DYNC2LI1: variants seen among roughly 807,000 people sequenced by gnomAD.
The protein encoded by DYNC2LI1 is dynein cytoplasmic 2 light intermediate chain 1.
In DYNC2LI1, 45 loss-of-function variants were observed where a neutral mutation model predicts 51.9. That is an observed-to-expected ratio of 0.87 (90% CI 0.68 to 1.11). DYNC2LI1 has a LOEUF of 1.11. DYNC2LI1 is among the 50% of genes most tolerant of loss of function. The probability of loss-of-function intolerance (pLI) is 0.00; values close to 1 mark genes in which losing one functional copy is unlikely to be tolerated. For synonymous variants in DYNC2LI1, 130 were observed against 137.8 expected, an observed-to-expected ratio of 0.94 and a Z score of 0.40; for missense variants, 490 against 417.4, an observed-to-expected ratio of 1.17 and a Z score of -1.51.
the DYNC2LI1 span, among the ~76,000 whole-genome samples, chr2:43,818,715 G>A: frequency 3.3e-5 from 5 of 152,074 alleles, no homozygotes; most frequent in South Asian, 2.1e-4. Flanking sequence ...CATGGTCTTC[G>A]TGTGAAAAAA....
chr2:43,820,262 A>T, the DYNC2LI1 span, among the ~76,000 whole-genome samples: 1 of 152,224 alleles, frequency 6.6e-6, no homozygotes, highest in Non-Finnish European at 1.5e-5. Context: ...AGGAGTCAAC[A>T]TGAGACTATT....
the DYNC2LI1 span, among the ~76,000 whole-genome samples, chr2:43,818,401 G>A: frequency 2.6e-5 from 4 of 152,116 alleles, no homozygotes; most frequent in African/African-American, 9.7e-5. Context: ...CTGAGATCGC[G>A]CCATTGCACT....
chr2:43,805,276 T>G, intron 12 of DYNC2LI1, 30 bp downstream of exon 12: 1 of 1,463,702 alleles, frequency 6.8e-7, no homozygotes, highest in Non-Finnish European at 9.5e-7. Context: ...CTTAATTTCA[T>G]CTGAAATTTT....
downstream of DYNC2LI1, among the ~76,000 whole-genome samples, chr2:43,813,707 TCG>T (rs373077679): frequency 2.0e-3 from 241 of 123,378 alleles, 1 homozygote; most frequent in African/African-American, 5.2e-3. Context: ...GTTTTTTTTT[TCG>T]TTTTTTTTTT....
intron 3 of DYNC2LI1, among the ~76,000 whole-genome samples, chr2:43,784,048 A>C (rs185253332): frequency 4.8e-4 from 73 of 152,350 alleles, no homozygotes; most frequent in African/African-American, 1.7e-3. Flanking sequence ...TGTTTCAGGA[A>C]GCTGATGAGG....
chr2:43,775,725 T>C, intron 1 of DYNC2LI1: 1 of 384,778 alleles, frequency 2.6e-6, no homozygotes, highest in South Asian at 1.9e-5. Context: ...TCTCGCTCTG[T>C]TGCCCAGGCT....
chr2:43,775,662 TA>T, intron 1 of DYNC2LI1: 1 of 379,798 alleles, frequency 2.6e-6, no homozygotes, highest in Admixed American at 3.2e-5. Context: ...CACACCCAGC[TA>T]ATTTCTTTTC....
chr2:43,824,058 A>G, the DYNC2LI1 span: 60 of 1,614,210 alleles, frequency 3.7e-5, no homozygotes, highest in Non-Finnish European at 4.8e-5. Flanking sequence ...CCATGATCAG[A>G]TTCTGAAGGA....
In DYNC2LI1 at chr2:43,789,552, A is replaced by G. The variant is rs1441652198; in HGVS notation, c.232-81A>G. The G allele has an allele frequency of 8.5e-6, 10 of 1,173,736 alleles. 1 individual carries two copies. In the Admixed American group the frequency reaches 2.1e-4, roughly 24 times the overall value. 72.7% of individuals were successfully genotyped at this position (1,173,736 alleles called of 1,614,324 possible). ...TTGATTAAGGACTGCAATATTTTGT[A>G]TGTATAATTATTACTGGGAAGTGCT... On this transcript the variant is annotated intron_variant, in intron 4 of 12. Coordinates refer to ENST00000260605, the MANE Select transcript of DYNC2LI1 (RefSeq NM_016008.4).
chr2:43,828,289 G>A, the DYNC2LI1 span: 1 of 865,852 alleles, frequency 1.2e-6, no homozygotes, highest in South Asian at 1.5e-5. Flanking sequence ...ATCCAATTCG[G>A]CTTAAATCGT....
intron 5 of DYNC2LI1, among the ~76,000 whole-genome samples, chr2:43,790,265 A>G (rs906830077): frequency 1.3e-5 from 2 of 152,262 alleles, no homozygotes; most frequent in African/African-American, 4.8e-5. Flanking sequence ...TTTTCCTGAC[A>G]GTAACTCCCA....
intron 4 of DYNC2LI1, 120 bp from the exon 5 acceptor site, chr2:43,789,513 C>T: frequency 2.6e-6 from 2 of 767,654 alleles, no homozygotes; most frequent in Non-Finnish European, 4.0e-6. Flanking sequence ...AAAATTTTGA[C>T]TGCCAAGAAA....
chr2:43,825,637 G>A, the DYNC2LI1 span, among the ~76,000 whole-genome samples: 236 of 152,152 alleles, frequency 1.6e-3, 1 homozygote, highest in South Asian at 1.0e-2. Context: ...TTCTGAGACC[G>A]AATCTCACTC....
At chr2:43,795,991 T>C (rs1216565884) in intron 7 of DYNC2LI1, 33 bp downstream of exon 7, 1 of 1,499,666 alleles carries the variant, frequency 6.7e-7, no homozygotes, top group Non-Finnish European at 9.3e-7. Flanking sequence ...GAGTTTGTTG[T>C]ACATATATGG....
At chr2:43,806,331 G>A (rs879932835) in intron 12 of DYNC2LI1, among the ~76,000 whole-genome samples, 6 of 152,198 alleles carry the variant, frequency 3.9e-5, no homozygotes, top group East Asian at 3.9e-4. Flanking sequence ...TGGCAGTCAC[G>A]TTGTTGCGAG....
chr2:43,820,150 G>T, the DYNC2LI1 span: 3 of 1,568,040 alleles, frequency 1.9e-6, no homozygotes, highest in African/African-American at 2.7e-5. Context: ...TATCATTTAA[G>T]AAAAATACTG....
the DYNC2LI1 span, chr2:43,822,419 C>T: frequency 4.2e-6 from 3 of 708,062 alleles, no homozygotes; most frequent in African/African-American, 5.9e-5. Flanking sequence ...CCTCTTCCCA[C>T]CCTCTGAATG....
At chr2:43,799,432 A>G (rs967681038) in intron 8 of DYNC2LI1, among the ~76,000 whole-genome samples, 1 of 152,200 alleles carries the variant, frequency 6.6e-6, no homozygotes, top group Non-Finnish European at 1.5e-5. Flanking sequence ...GGAGAATATC[A>G]CCTAAAATGT....
At chr2:43,796,886 C>A in intron 8 of DYNC2LI1, 91 bp downstream of exon 8, 1 of 999,708 alleles carries the variant, frequency 1.0e-6, no homozygotes. Context: ...GGAATAAATG[C>A]TTTTGCTAAT....
Sources: gnomAD v4.1 joint callset for allele counts (sites outside exome capture counted in the v4.1 genomes callset) on GRCh38, gnomAD v4.1.1 for gene constraint, MANE v1.5 for transcripts, NCBI Gene and HGNC (gene_info 2026-07-23, HGNC 2026-07-21) for gene names.